Variants in MAST4 observed in about 807,000 individuals in gnomAD.
The protein encoded by MAST4 is microtubule associated serine/threonine kinase family member 4, also known as microtubule-associated serine/threonine-protein kinase 4.
MAST4 carries 89 observed loss-of-function variants against 162.7 expected under a neutral mutation model. The observed-to-expected ratio is 0.55, with a 90% CI of 0.46 to 0.65. The LOEUF (loss-of-function observed/expected upper bound fraction) is 0.65, where lower values mean the gene tolerates loss of function less well. MAST4 is among the 30% of genes least tolerant of loss of function. MAST4 has a pLI of 0.00. For synonymous variants in MAST4, 1,479 were observed against 1,361.1 expected (o/e 1.09, Z -1.91); for missense variants, 3,153 against 3,374.0 (o/e 0.93, Z 1.62).
chr5:67,052,390 T>A (rs532772817), intron 4 of MAST4, among the ~76,000 whole-genome samples: 1 of 152,140 alleles, frequency 6.6e-6, no homozygotes, highest in African/African-American at 2.4e-5. Flanking sequence ...TGAAATCACT[T>A]TTCTACCCCT....
chr5:66,662,361 A>G (rs2149462193), intron 1 of MAST4: 1 of 152,330 alleles, frequency 6.6e-6, no homozygotes, highest in Non-Finnish European at 1.5e-5. Context: ...AGAGGCAATC[A>G]AAAGTTGTGA....
chr5:67,156,050 T>C (rs1225054753), intron 26 of MAST4, among the ~76,000 whole-genome samples: 3 of 148,188 alleles, frequency 2.0e-5, no homozygotes, highest in South Asian at 2.2e-4. Context: ...CAGAGTGAGA[T>C]TCCGTCTCAA....
chr5:66,788,890 C>G, intron 3 of MAST4, 96 bp downstream of exon 3: 1 of 1,370,866 alleles, frequency 7.3e-7, no homozygotes, highest in Non-Finnish European at 9.6e-7. Context: ...TAAACTTACC[C>G]ACATGTGACG....
chr5:67,007,928 G>A (rs1395699885), intron 4 of MAST4, among the ~76,000 whole-genome samples: 3 of 152,208 alleles, frequency 2.0e-5, no homozygotes, highest in Admixed American at 1.3e-4. Flanking sequence ...AGATGACACA[G>A]TACTGATGAA....
intron 26 of MAST4, among the ~76,000 whole-genome samples, chr5:67,158,579 T>G (rs993670317): frequency 1.3e-5 from 2 of 151,872 alleles, no homozygotes; most frequent in Middle Eastern, 6.8e-3. Context: ...TCAAAAAAAT[T>G]TTTTTTAATT....
At chr5:67,084,195 C>G (rs1762978203) in intron 5 of MAST4, among the ~76,000 whole-genome samples, 1 of 152,190 alleles carries the variant, frequency 6.6e-6, no homozygotes, top group African/African-American at 2.4e-5. Flanking sequence ...CTTTCTATAA[C>G]CTCATCAGTC....
In MAST4 at chr5:66,902,747, A is replaced by G. The variant is rs1413798212; in HGVS notation, c.674+2765A>G. The G allele has an allele frequency of 6.5e-6, 3 of 462,694 alleles. No individual in the cohort carries two copies. In the Admixed American group the frequency reaches 7.4e-5, roughly 11 times the overall value. 28.7% of individuals were successfully genotyped at this position (462,694 alleles called of 1,614,324 possible). ...TTATGAGATTGTCAGGTAACTCCAG[A>G]TCACTTTTCCAGAGGCATTCCAGCT... On this transcript the variant is annotated intron_variant, in intron 4 of 28. Transcript: ENST00000403625.
chr5:67,045,001 TG>T (rs1481701921), intron 4 of MAST4, among the ~76,000 whole-genome samples: 1 of 152,356 alleles, frequency 6.6e-6, no homozygotes, highest in East Asian at 1.9e-4. Context: ...TACATTGCCT[TG>T]ATCAATCCAG....
At chr5:66,794,483 T>C (rs530654992) in intron 3 of MAST4, among the ~76,000 whole-genome samples, 1 of 152,320 alleles carries the variant, frequency 6.6e-6, no homozygotes, top group East Asian at 1.9e-4. Context: ...AAAAAGTGTT[T>C]CTTGGAGATT....
At position 67,079,098 on chromosome 5, in the gene MAST4, A is replaced by G. The variant is rs557016995; in HGVS notation, c.764-11064A>G. 1.5e-4 allele frequency among the ~76,000 whole-genome samples: 22 copies of G among 150,390 alleles called. No individual in the cohort carries two copies. In the South Asian group the frequency reaches 3.1e-3, roughly 21 times the overall value. ...CAATTTAGCGAGAAGGACCAAAGTG[A>G]AAAGTGCACTGTACTCAACTGTACC... On this transcript the variant is annotated intron_variant, in intron 5 of 28. Coordinates refer to ENST00000403625, the MANE Select transcript of MAST4 (RefSeq NM_001164664.2).
intron 2 of MAST4, chr5:66,783,468 C>T (rs1194033079): frequency 1.3e-5 from 2 of 152,134 alleles, no homozygotes; most frequent in Non-Finnish European, 2.9e-5. Flanking sequence ...TAAAGTCAAC[C>T]ACAACTAGAG....
chr5:66,716,450 A>T (rs1561282404), intron 1 of MAST4, among the ~76,000 whole-genome samples: 1 of 152,000 alleles, frequency 6.6e-6, no homozygotes, highest in Non-Finnish European at 1.5e-5. Flanking sequence ...AGCTCAAGCA[A>T]TCCTCCTATG....
chr5:66,726,788 T>C (rs1040338025), intron 1 of MAST4, among the ~76,000 whole-genome samples: 2 of 152,144 alleles, frequency 1.3e-5, no homozygotes, highest in African/African-American at 4.8e-5. Context: ...AACCCTATTA[T>C]GAACTGCGCA....
At chr5:66,646,629 A>G (rs2149442424) in intron 1 of MAST4, among the ~76,000 whole-genome samples, 1 of 152,324 alleles carries the variant, frequency 6.6e-6, no homozygotes, top group African/African-American at 2.4e-5. Flanking sequence ...ATTCTGTTTT[A>G]ACACCATGTA....
At chr5:67,009,109 G>C (rs977905761) in intron 4 of MAST4, among the ~76,000 whole-genome samples, 1 of 152,144 alleles carries the variant, frequency 6.6e-6, no homozygotes, top group Admixed American at 6.5e-5. Context: ...AAAGCTGTAG[G>C]CATGCTTTCA....
intron 1 of MAST4, among the ~76,000 whole-genome samples, chr5:66,740,175 T>C (rs1752405023): frequency 6.6e-6 from 1 of 152,152 alleles, no homozygotes; most frequent in Non-Finnish European, 1.5e-5. Flanking sequence ...AAAGGCCATC[T>C]CATCACATGA....
chr5:67,160,766 A>G (rs1773099525), intron 27 of MAST4, among the ~76,000 whole-genome samples, 174 bp downstream of exon 27: 1 of 152,254 alleles, frequency 6.6e-6, no homozygotes. Flanking sequence ...ATCAACTTCC[A>G]TAGTAAAAGG....
intron 1 of MAST4, among the ~76,000 whole-genome samples, chr5:66,639,697 T>G (rs1329810502): frequency 2.0e-5 from 3 of 152,162 alleles, no homozygotes; most frequent in African/African-American, 7.2e-5. Flanking sequence ...TTTGGTGGTG[T>G]TCAGAACTGG....
At chr5:66,691,879 C>A (rs1381748221) in intron 1 of MAST4, among the ~76,000 whole-genome samples, 1 of 152,106 alleles carries the variant, frequency 6.6e-6, no homozygotes, top group East Asian at 1.9e-4. Flanking sequence ...TCTCTTCATT[C>A]TCTATGGTAA....
Sources: gnomAD v4.1 joint callset for allele counts (sites outside exome capture counted in the v4.1 genomes callset) on GRCh38, gnomAD v4.1.1 for gene constraint, MANE v1.5 for transcripts, NCBI Gene and HGNC (gene_info 2026-07-23, HGNC 2026-07-21) for gene names.